EPHA6: variants seen among roughly 807,000 people sequenced by gnomAD.
EPHA6 encodes EPH receptor A6, also known as ephrin type-A receptor 6.
A neutral mutation model predicts 112.0 loss-of-function variants in EPHA6; 50 were observed. The ratio of observed to expected loss-of-function variants is 0.45; its 90% CI spans 0.36 to 0.56. The LOEUF (loss-of-function observed/expected upper bound fraction) is 0.56, where lower values mean the gene tolerates loss of function less well. Among genes scored for constraint, EPHA6 ranks in the 20% least tolerant of loss-of-function variants. EPHA6 has a pLI of 0.00. For missense variants in EPHA6, 1,280 were observed against 1,417.4 expected, an observed-to-expected ratio of 0.90 and a Z score of 1.56; for synonymous variants, 529 against 490.7, an observed-to-expected ratio of 1.08 and a Z score of -1.03.
chr3:97,058,562 A>G (rs2045923344), intron 3 of EPHA6, among the ~76,000 whole-genome samples: 1 of 152,184 alleles, frequency 6.6e-6, no homozygotes, highest in South Asian at 2.1e-4. Flanking sequence ...TTGGCCTCCC[A>G]AAGTGCTGGG....
intron 13 of EPHA6, among the ~76,000 whole-genome samples, chr3:97,619,141 A>G (rs903737801): frequency 1.5e-5 from 2 of 137,672 alleles, no homozygotes; most frequent in Admixed American, 1.5e-4. Flanking sequence ...GATTCATAAC[A>G]TAAACAGAAC....
At chr3:97,490,653 G>A (rs2091816540) in intron 10 of EPHA6, among the ~76,000 whole-genome samples, 1 of 152,178 alleles carries the variant, frequency 6.6e-6, no homozygotes, top group Non-Finnish European at 1.5e-5. Flanking sequence ...AACAATAGAT[G>A]AGAAAGACCC....
At chr3:97,480,548 G>A (rs1284611930) in intron 9 of EPHA6, among the ~76,000 whole-genome samples, 1 of 151,914 alleles carries the variant, frequency 6.6e-6, no homozygotes, top group Non-Finnish European at 1.5e-5. Context: ...AGGGGTTGGG[G>A]GTAAGGTTAT....
chr3:97,314,967 C>T (rs1248958638), intron 5 of EPHA6, among the ~76,000 whole-genome samples: 1 of 151,594 alleles, frequency 6.6e-6, no homozygotes, highest in Non-Finnish European at 1.5e-5. Flanking sequence ...ACAAAGCATT[C>T]TACAACGATG....
intron 10 of EPHA6, among the ~76,000 whole-genome samples, chr3:97,514,846 A>G (rs558876491): frequency 1.3e-5 from 2 of 152,154 alleles, no homozygotes; most frequent in African/African-American, 2.4e-5. Context: ...CCGGGAAGAG[A>G]GCTCTTATCA....
At chr3:97,712,735 G>A (rs2034031703) in intron 14 of EPHA6, among the ~76,000 whole-genome samples, 1 of 152,176 alleles carries the variant, frequency 6.6e-6, no homozygotes, top group Non-Finnish European at 1.5e-5. Context: ...GAGGAAGCAG[G>A]TGAAAAGGAT....
chr3:97,051,028 G>A (rs1465251253), intron 3 of EPHA6, among the ~76,000 whole-genome samples: 1 of 152,114 alleles, frequency 6.6e-6, no homozygotes, highest in East Asian at 1.9e-4. Flanking sequence ...GATGTTGTCA[G>A]AAAGAATAAG....
chr3:96,896,557 C>T (rs1269211879), intron 2 of EPHA6, among the ~76,000 whole-genome samples: 2 of 152,172 alleles, frequency 1.3e-5, no homozygotes, highest in African/African-American at 4.8e-5. Flanking sequence ...AACCACCAGC[C>T]ACAAGTCTCA....
intron 5 of EPHA6, among the ~76,000 whole-genome samples, chr3:97,283,108 C>A (rs561910448): frequency 1.3e-5 from 2 of 152,182 alleles, no homozygotes; most frequent in South Asian, 2.1e-4. Flanking sequence ...CTAAGATATA[C>A]CACCAAAATC....
intron 1 of EPHA6, among the ~76,000 whole-genome samples, chr3:96,852,582 AG>A: frequency 6.7e-6 from 1 of 148,410 alleles, no homozygotes; most frequent in Admixed American, 6.8e-5. Context: ...TATCTTACTA[AG>A]TTTTTGAAGT....
chr3:97,694,890 C>T lies in EPHA6; in HGVS notation c.2785-25371C>T, dbSNP rs532565651. Among the ~76,000 whole-genome samples, 6 of 152,280 alleles carry T rather than the reference C, an allele frequency of 3.9e-5. No individual in the cohort carries two copies. In the South Asian group the frequency reaches 1.2e-3, roughly 32 times the overall value. ...ATTTTACTATTTGTAGTGCCTTTGACCTTCATGCGAATTCCACAGCAAATA... is the reference window on the plus strand; with the variant it reads ...ATTTTACTATTTGTAGTGCCTTTGATCTTCATGCGAATTCCACAGCAAATA... On this transcript the variant is annotated intron_variant, in intron 14 of 17. Transcript: ENST00000389672.
At chr3:97,458,675 C>A (rs985917356) in intron 7 of EPHA6, among the ~76,000 whole-genome samples, 1 of 151,786 alleles carries the variant, frequency 6.6e-6, no homozygotes, top group Non-Finnish European at 1.5e-5. Context: ...TAAGTTGTTA[C>A]CCTTGGAAGT....
At chr3:97,582,567 A>G (rs2093448204) in intron 11 of EPHA6, among the ~76,000 whole-genome samples, 1 of 152,162 alleles carries the variant, frequency 6.6e-6, no homozygotes, top group South Asian at 2.1e-4. Flanking sequence ...CACCAGTACC[A>G]TTGCATACAT....
chr3:97,587,045 C>G lies in EPHA6; in HGVS notation c.2387-5567C>G, dbSNP rs1339633238. ...ATCACCTGAGGTCAGGAGTTGGAGA[C>G]CAGCCTGGCCAACATAGTAAAACCC... On this transcript the variant is annotated intron_variant, in intron 11 of 17. Coordinates refer to ENST00000389672, the MANE Select transcript of EPHA6 (RefSeq NM_001080448.3). Among the ~76,000 whole-genome samples, 5 of 152,086 alleles carry G rather than the reference C, an allele frequency of 3.3e-5. No individual in the cohort carries two copies. The East Asian group carries it at 9.6e-4, about 29-fold the overall frequency.
intron 5 of EPHA6, among the ~76,000 whole-genome samples, chr3:97,326,916 G>T (rs949363129): frequency 6.6e-6 from 1 of 152,028 alleles, no homozygotes; most frequent in Non-Finnish European, 1.5e-5. Flanking sequence ...GCACAATATT[G>T]TGTAGCAAAA....
chr3:97,565,327 G>GATCT (rs2093249118), intron 11 of EPHA6, among the ~76,000 whole-genome samples: 1 of 151,894 alleles, frequency 6.6e-6, no homozygotes, highest in South Asian at 2.1e-4. Context: ...TGATAATTAT[G>GATCT]ATCTATGATT....
chr3:96,913,223 G>A (rs557071068), intron 2 of EPHA6, among the ~76,000 whole-genome samples: 26 of 146,492 alleles, frequency 1.8e-4, no homozygotes, highest in African/African-American at 5.6e-4. Flanking sequence ...CCACACACAC[G>A]GGCATGGTGA....
At chr3:97,327,505 G>A (rs1458561815) in intron 5 of EPHA6, among the ~76,000 whole-genome samples, 1 of 151,760 alleles carries the variant, frequency 6.6e-6, no homozygotes, top group Non-Finnish European at 1.5e-5. Flanking sequence ...GTGTGTGTGT[G>A]TATATGCTAA....
At chr3:97,322,723 G>T (rs2082179612) in intron 5 of EPHA6, among the ~76,000 whole-genome samples, 2 of 151,862 alleles carry the variant, frequency 1.3e-5, no homozygotes, top group Admixed American at 1.3e-4. Context: ...TTAAAACCAA[G>T]TCACTGTACT....
Sources: gnomAD v4.1 joint callset for allele counts (sites outside exome capture counted in the v4.1 genomes callset) on GRCh38, gnomAD v4.1.1 for gene constraint, MANE v1.5 for transcripts, NCBI Gene and HGNC (gene_info 2026-07-23, HGNC 2026-07-21) for gene names.